Variants in DIAPH2 observed in about 807,000 individuals in gnomAD.
DIAPH2 encodes the protein diaphanous related formin 2.
In DIAPH2, 35 loss-of-function variants were observed where a neutral mutation model predicts 92.7. That is an observed-to-expected ratio of 0.38 (90% confidence interval 0.29 to 0.50). DIAPH2 has a LOEUF of 0.50. Among genes scored for constraint, DIAPH2 ranks in the 20% least tolerant of loss-of-function variants. DIAPH2 has a pLI of 0.94. For synonymous variants in DIAPH2, 301 were observed against 280.4 expected, an observed-to-expected ratio of 1.07 and a Z score of -0.73; for missense variants, 701 against 819.5, an observed-to-expected ratio of 0.86 and a Z score of 1.77.
intron 26 of DIAPH2, among the ~76,000 whole-genome samples, chrX:97,458,052 A>G (rs1305967940): frequency 9.0e-6 from 1 of 111,569 alleles, no homozygotes; most frequent in Non-Finnish European, 1.9e-5. Context: ...CAAAGAGGAA[A>G]CCACAGTGCA....
intron 8 of DIAPH2, among the ~76,000 whole-genome samples, chrX:96,918,187 T>C (rs1362943486): frequency 1.8e-5 from 2 of 111,082 alleles, no homozygotes; most frequent in East Asian, 5.6e-4. Flanking sequence ...TTTTATGTGA[T>C]AGTGACTGTA....
chrX:96,958,288 C>A, intron 16 of DIAPH2, 140 bp downstream of exon 16: 1 of 699,016 alleles, frequency 1.4e-6, no homozygotes, highest in Admixed American at 5.1e-5. Flanking sequence ...GTCCATCTTT[C>A]AATTTAGGTT....
intron 23 of DIAPH2, among the ~76,000 whole-genome samples, chrX:97,280,665 C>T (rs1334975122): frequency 9.0e-6 from 1 of 111,146 alleles, no homozygotes; most frequent in Non-Finnish European, 1.9e-5. Context: ...CTAGATATTA[C>T]ACTGTTTCTC....
intron 21 of DIAPH2, among the ~76,000 whole-genome samples, chrX:97,117,818 T>C (rs989074864): frequency 1.8e-5 from 2 of 111,967 alleles, no homozygotes; most frequent in Non-Finnish European, 3.8e-5. Flanking sequence ...AGCAGTGAAT[T>C]ATCACTTTGT....
chrX:97,412,859 A>G (rs1295839449), intron 25 of DIAPH2, among the ~76,000 whole-genome samples: 1 of 112,297 alleles, frequency 8.9e-6, no homozygotes, highest in Non-Finnish European at 1.9e-5. Flanking sequence ...ACCAGGAAGA[A>G]GTTGAATCTC....
chrX:96,697,571 G>A (rs939117818), intron 1 of DIAPH2, among the ~76,000 whole-genome samples: 2 of 111,032 alleles, frequency 1.8e-5, no homozygotes, highest in African/African-American at 3.3e-5. Flanking sequence ...GCTTGATCCC[G>A]GGAGGCAGAG....
At chrX:96,903,623 T>A (rs1432187299) in intron 5 of DIAPH2, among the ~76,000 whole-genome samples, 2 of 112,003 alleles carry the variant, frequency 1.8e-5, no homozygotes, top group African/African-American at 6.5e-5. Flanking sequence ...TTTGGAATAC[T>A]CTTTCCCTTC....
chrX:96,823,141 G>C (rs1234538624), intron 4 of DIAPH2, among the ~76,000 whole-genome samples: 1 of 111,576 alleles, frequency 9.0e-6, no homozygotes, highest in Non-Finnish European at 1.9e-5. Context: ...TTTCATGATG[G>C]TTGGTTTGTA....
At chrX:97,334,157 C>CCT (rs2069026836) in intron 23 of DIAPH2, among the ~76,000 whole-genome samples, 1 of 110,368 alleles carries the variant, frequency 9.1e-6, no homozygotes, top group African/African-American at 3.3e-5. Context: ...AGTTCCAGTT[C>CCT]CTTAACAGTT....
intron 4 of DIAPH2, among the ~76,000 whole-genome samples, chrX:96,763,970 C>CTTT (rs201674981): frequency 3.1e-5 from 3 of 97,394 alleles, no homozygotes; most frequent in Non-Finnish European, 6.3e-5. Flanking sequence ...TCTTACTCTT[C>CTTT]TTTTTTTTTT....
chrX:96,692,603 A>T (rs889650423), intron 1 of DIAPH2, among the ~76,000 whole-genome samples: 2 of 111,397 alleles, frequency 1.8e-5, no homozygotes, highest in African/African-American at 3.3e-5. Flanking sequence ...GGGTGGATAG[A>T]CTCCTTGGAA....
At chrX:97,340,878 C>A (rs2069107627) in intron 23 of DIAPH2, among the ~76,000 whole-genome samples, 1 of 109,882 alleles carries the variant, frequency 9.1e-6, no homozygotes. Context: ...GTCTCGAACT[C>A]CTGACCTTAA....
chrX:97,295,870 T>C (rs2068639160), intron 23 of DIAPH2, among the ~76,000 whole-genome samples: 2 of 109,541 alleles, frequency 1.8e-5, no homozygotes, highest in South Asian at 4.0e-4. Context: ...TAGCTGGGAT[T>C]ACAGGCGTGC....
chrX:97,156,374 G>A (rs987450776), intron 22 of DIAPH2, among the ~76,000 whole-genome samples: 3 of 112,031 alleles, frequency 2.7e-5, no homozygotes, highest in Non-Finnish European at 3.8e-5. Context: ...AGAATTCTCC[G>A]TATTGACAGA....
intron 17 of DIAPH2, among the ~76,000 whole-genome samples, chrX:96,972,594 G>C (rs1396545447): frequency 9.0e-6 from 1 of 110,972 alleles, no homozygotes; most frequent in East Asian, 2.8e-4. Flanking sequence ...TCTACTGAGA[G>C]AGGTAGGAGG....
chrX:97,168,887 G>A (rs1180690369), intron 22 of DIAPH2, among the ~76,000 whole-genome samples: 1 of 111,889 alleles, frequency 8.9e-6, no homozygotes, highest in African/African-American at 3.2e-5. Context: ...TTTATAAAAG[G>A]CTTGCATCAG....
At chrX:97,002,491 T>C (rs1013886840) in intron 17 of DIAPH2, among the ~76,000 whole-genome samples, 1 of 111,424 alleles carries the variant, frequency 9.0e-6, no homozygotes, top group African/African-American at 3.3e-5. Context: ...TAGAAGACTT[T>C]AGTTGTTAAT....
At chrX:96,704,023 G>A (rs781326340) in intron 1 of DIAPH2, among the ~76,000 whole-genome samples, 13 of 111,140 alleles carry the variant, frequency 1.2e-4, no homozygotes, top group Admixed American at 1.1e-3. Context: ...CGGACTGTTG[G>A]GCTCAAGGGA....
intron 17 of DIAPH2, among the ~76,000 whole-genome samples, chrX:96,991,633 A>AAAT (rs1400267561): frequency 9.4e-6 from 1 of 106,673 alleles, no homozygotes; most frequent in African/African-American, 3.4e-5. Context: ...GCTTTACAGT[A>AAAT]AATCATTGCT....
Sources: allele counts gnomAD v4.1 joint callset (sites outside exome capture counted in the v4.1 genomes callset), GRCh38; gene constraint gnomAD v4.1.1; transcripts MANE v1.5; gene names NCBI Gene and HGNC (gene_info 2026-07-23, HGNC 2026-07-21).